The following MGAT4C variants were observed in gnomAD, a reference collection of about 807,000 sequenced individuals.
MGAT4C encodes the protein alpha-1,3-mannosyl-glycoprotein 4-beta-N-acetylglucosaminyltransferase C.
In MGAT4C, 19 loss-of-function variants were observed where a neutral mutation model predicts 40.1. The ratio of observed to expected loss-of-function variants is 0.47; its 90% CI spans 0.33 to 0.70. The LOEUF is 0.70. MGAT4C is among the 30% of genes least tolerant of loss of function. The pLI, the probability that MGAT4C is intolerant of heterozygous loss-of-function variation, is 0.02. For missense variants in MGAT4C, 491 were observed against 563.2 expected, an observed-to-expected ratio of 0.87 and a Z score of 1.30; for synonymous variants, 181 against 187.1, an observed-to-expected ratio of 0.97 and a Z score of 0.27.
intron 1 of MGAT4C, among the ~76,000 whole-genome samples, chr12:86,765,790 A>C (rs900054704): frequency 2.2e-4 from 34 of 152,306 alleles, no homozygotes; most frequent in South Asian, 6.2e-4. Context: ...AAGGAGAAAT[A>C]AAATACTTTA....
intron 2 of MGAT4C, among the ~76,000 whole-genome samples, chr12:86,043,470 G>A (rs1229254497): frequency 6.6e-6 from 1 of 152,140 alleles, no homozygotes; most frequent in Non-Finnish European, 1.5e-5. Context: ...GTAAAAGGAG[G>A]TCAGAAGACT....
chr12:86,655,719 T>G (rs1593084816), intron 2 of MGAT4C, among the ~76,000 whole-genome samples: 1 of 152,266 alleles, frequency 6.6e-6, no homozygotes. Flanking sequence ...ATTCTCCCTC[T>G]GCATTTAAAA....
intron 1 of MGAT4C, among the ~76,000 whole-genome samples, chr12:86,073,467 C>T (rs1409216511): frequency 6.6e-6 from 1 of 151,912 alleles, no homozygotes; most frequent in South Asian, 2.1e-4. Flanking sequence ...TTTGGAGAGC[C>T]CAGAAGAAGA....
intron 1 of MGAT4C, among the ~76,000 whole-genome samples, chr12:86,769,144 T>C (rs907787703): frequency 1.7e-4 from 26 of 152,164 alleles, no homozygotes; most frequent in Middle Eastern, 3.4e-3. Context: ...ATATCCAGAA[T>C]CTACAAAGAA....
chr12:86,212,484 G>T (rs914556874), intron 1 of MGAT4C, among the ~76,000 whole-genome samples: 10 of 151,922 alleles, frequency 6.6e-5, no homozygotes, highest in Non-Finnish European at 1.3e-4. Flanking sequence ...AATTGTTTTT[G>T]TTTATTGGGT....
chr12:86,412,550 G>A (rs1381452877), intron 3 of MGAT4C, among the ~76,000 whole-genome samples: 1 of 152,164 alleles, frequency 6.6e-6, no homozygotes, highest in Non-Finnish European at 1.5e-5. Flanking sequence ...TTTGGAATGG[G>A]AGTATTTAAC....
At chr12:86,005,475 T>C (rs1382222693) in intron 2 of MGAT4C, among the ~76,000 whole-genome samples, 2 of 152,184 alleles carry the variant, frequency 1.3e-5, no homozygotes, top group Non-Finnish European at 2.9e-5. Flanking sequence ...TGAGGTTAAC[T>C]TTATAATAAG....
chr12:86,491,827 A>G (rs1958142815), intron 2 of MGAT4C, among the ~76,000 whole-genome samples: 1 of 151,974 alleles, frequency 6.6e-6, no homozygotes, highest in Admixed American at 6.6e-5. Context: ...AATAAAGGGT[A>G]TTCAATCAGG....
At chr12:86,525,124 A>G (rs1194267464) in intron 2 of MGAT4C, among the ~76,000 whole-genome samples, 1 of 152,182 alleles carries the variant, frequency 6.6e-6, no homozygotes, top group Admixed American at 6.5e-5. Flanking sequence ...CTTGAATTGT[A>G]ATCTCCACAT....
chr12:86,515,788 G>T (rs1211704382), intron 2 of MGAT4C, among the ~76,000 whole-genome samples: 1 of 149,880 alleles, frequency 6.7e-6, no homozygotes, highest in Non-Finnish European at 1.5e-5. Flanking sequence ...TGTCGCCCAG[G>T]CTGGAGTGCA....
chr12:86,234,429 T>C (rs1197192118), intron 1 of MGAT4C, among the ~76,000 whole-genome samples: 3 of 152,204 alleles, frequency 2.0e-5, no homozygotes, highest in Admixed American at 2.0e-4. Context: ...TTGCACTTTG[T>C]ATGCACACTT....
intron 1 of MGAT4C, among the ~76,000 whole-genome samples, chr12:86,100,865 G>T (rs1452582146): frequency 6.6e-6 from 1 of 151,362 alleles, no homozygotes; most frequent in African/African-American, 2.4e-5. Context: ...TAGAGAAAAG[G>T]GAGGAAAAAG....
intron 1 of MGAT4C, among the ~76,000 whole-genome samples, chr12:86,240,242 G>A (rs1231301428): frequency 4.0e-5 from 6 of 149,930 alleles, no homozygotes; most frequent in East Asian, 2.0e-4. Flanking sequence ...TTCAAACATC[G>A]CAAAAGAGTT....
intron 2 of MGAT4C, among the ~76,000 whole-genome samples, chr12:86,442,120 C>T (rs1189610590): frequency 6.6e-6 from 1 of 152,074 alleles, no homozygotes; most frequent in Admixed American, 6.6e-5. Flanking sequence ...TTTCATGTGT[C>T]TGTTGGCTGC....
rs1883657246 is a variant in MGAT4C at position 85,972,279 on chromosome 12, A to G, written c.*7010T>C. ...TAAGAAGAGAAGTTACAACTGCATT[A>G]ATAGGATTTTAATTTTTATTCAAAA... On this transcript the variant is annotated 3_prime_UTR_variant, in exon 5 of 5. Transcript: ENST00000611864. The G allele has an allele frequency of 6.6e-6, 1 of 151,110 alleles. No homozygotes were observed. Among genetic ancestry groups the G allele is most frequent in the Non-Finnish European group, 1.5e-5 (1 of 67,282 alleles). The allele number at this position is 151,110 out of a possible 1,614,324, so 9.4% of individuals were successfully genotyped here.
intron 2 of MGAT4C, among the ~76,000 whole-genome samples, chr12:86,524,538 T>C (rs1222054693): frequency 6.6e-6 from 1 of 152,224 alleles, no homozygotes; most frequent in East Asian, 1.9e-4. Context: ...CTGAAGATTA[T>C]GTGTCTTAGG....
At chr12:86,350,582 G>A (rs1233054287) in intron 3 of MGAT4C, among the ~76,000 whole-genome samples, 1 of 152,042 alleles carries the variant, frequency 6.6e-6, no homozygotes, top group African/African-American at 2.4e-5. Context: ...GATATCAAAT[G>A]GAATTCACTT....
chr12:86,012,782 ACCACCACCACCACCACCACC>A lies in MGAT4C; in HGVS notation c.-6-23250_-6-23231del, dbSNP rs1592684757. On this transcript the variant is annotated intron_variant, in intron 2 of 4. Coordinates refer to ENST00000611864, the MANE Select transcript of MGAT4C (RefSeq NM_001351288.2). ...AACAACAACAACAACAACAACAACC[ACCACCACCACCACCACCACC>A]ACCACCACCACCACCACCACCACCA... is the stretch of plus-strand genomic sequence containing the variant. Among the ~76,000 whole-genome samples, 36 of 136,540 alleles carry A rather than the reference ACCACCACCACCACCACCACC, an allele frequency of 2.6e-4. No homozygotes were observed. The South Asian group carries it at 2.7e-3, about 10-fold the overall frequency. The allele number at this position is 136,540 out of a possible 152,430, so 89.6% of individuals were successfully genotyped here. A position where few individuals can be genotyped will look rare whatever the true frequency, so the allele number is the denominator to read the frequency against.
At chr12:86,806,050 A>T (rs1479414661) in intron 1 of MGAT4C, among the ~76,000 whole-genome samples, 1 of 151,810 alleles carries the variant, frequency 6.6e-6, no homozygotes, top group Admixed American at 6.6e-5. Context: ...CTTTTGCTTT[A>T]TCAGTTAAGA....
Sources: gnomAD v4.1 joint callset for allele counts (sites outside exome capture counted in the v4.1 genomes callset) on GRCh38, gnomAD v4.1.1 for gene constraint, MANE v1.5 for transcripts, NCBI Gene and HGNC (gene_info 2026-07-23, HGNC 2026-07-21) for gene names.